Variants in CIT observed in about 807,000 individuals in gnomAD.
CIT encodes the protein citron Rho-interacting kinase.
CIT carries 79 observed loss-of-function variants against 272.7 expected under a neutral mutation model. That is an observed-to-expected ratio of 0.29 (90% confidence interval 0.24 to 0.35). CIT has a LOEUF of 0.35. Among genes scored for constraint, CIT ranks in the 10% least tolerant of loss-of-function variants. The probability of loss-of-function intolerance (pLI) is 1.00; values close to 1 mark genes in which losing one functional copy is unlikely to be tolerated. For missense variants in CIT, 1,909 were observed against 2,618.3 expected (o/e 0.73, Z 5.91); for synonymous variants, 948 against 995.6 (o/e 0.95, Z 0.90).
chr12:119,830,242 G>A (rs754915495), intron 7 of CIT, among the ~76,000 whole-genome samples: 28 of 151,576 alleles, frequency 1.8e-4, no homozygotes, highest in South Asian at 4.2e-4. Flanking sequence ...ATTCTCAAGT[G>A]TGTGGTATAG....
At chr12:119,738,364 A>G (rs1286567670) in intron 24 of CIT, among the ~76,000 whole-genome samples, 2 of 152,192 alleles carry the variant, frequency 1.3e-5, no homozygotes, top group Admixed American at 1.3e-4. Context: ...GGTCCTGGGT[A>G]TATTCTCTAC....
At chr12:119,790,429 A>T (rs556221883) in intron 10 of CIT, among the ~76,000 whole-genome samples, 43 of 152,292 alleles carry the variant, frequency 2.8e-4, no homozygotes, top group African/African-American at 9.6e-4. Flanking sequence ...CAGTAAACAA[A>T]CTATCTAATT....
intron 32 of CIT, among the ~76,000 whole-genome samples, chr12:119,717,417 TTC>T (rs1482462918): frequency 3.3e-4 from 17 of 51,764 alleles, no homozygotes; most frequent in African/African-American, 7.6e-4. Context: ...TTCTTTTCTT[TTC>T]TTTTTTTTTT....
At chr12:119,829,559 G>A (rs1022623818) in intron 7 of CIT, among the ~76,000 whole-genome samples, 1 of 152,142 alleles carries the variant, frequency 6.6e-6, no homozygotes, top group Non-Finnish European at 1.5e-5. Context: ...TCTAAAAAGG[G>A]CTATCTCTTG....
chr12:119,796,767 G>T (rs1388178176), intron 10 of CIT, among the ~76,000 whole-genome samples: 1 of 152,218 alleles, frequency 6.6e-6, no homozygotes, highest in Non-Finnish European at 1.5e-5. Context: ...TACGTACATT[G>T]CAAGAGCCTG....
intron 47 of CIT, among the ~76,000 whole-genome samples, chr12:119,689,190 A>AAAACAAAC (rs72404312): frequency 6.7e-6 from 1 of 149,810 alleles, no homozygotes; most frequent in Non-Finnish European, 1.5e-5. Flanking sequence ...AAAACAAAAC[A>AAAACAAAC]AAACAAACAA....
At chr12:119,776,992 C>T (rs556122527) in intron 13 of CIT, 150 bp from the exon 14 acceptor site, 47 of 817,948 alleles carry the variant, frequency 5.7e-5, no homozygotes, top group Admixed American at 1.6e-4. Context: ...CAGTGGCTCA[C>T]GCCTGTAATC....
chr12:119,700,653 T>C, intron 44 of CIT, 92 bp downstream of exon 44: 1 of 1,054,766 alleles, frequency 9.5e-7, no homozygotes, highest in Non-Finnish European at 1.5e-6. Flanking sequence ...AGTGTTGGGA[T>C]TACAGGCGTG....
Position 119,713,317 on chromosome 12 carries a change from G to A in CIT, c.4488-23C>T, listed in dbSNP as rs989645337. 2.2e-5 allele frequency: 35 copies of A among 1,609,618 alleles called. No individual in the cohort carries two copies. The highest frequency in any genetic ancestry group is 2.9e-5 in the Non-Finnish European group (34 of 1,176,604). On this transcript the variant is annotated intron_variant, in intron 34 of 47. Coordinates refer to ENST00000392521, the MANE Select transcript of CIT (RefSeq NM_001206999.2). This position sits in a 1 kb window ranked among gnomAD's most constrained non-coding sequence, Gnocchi z 5.2. Reference sequence around the variant, plus strand: ...TTCCTGGGGAAAGAAAGATGGAAAAGAAAAATGTCTGAACTCAGAAGAAAC... The same window carrying A: ...TTCCTGGGGAAAGAAAGATGGAAAAAAAAAATGTCTGAACTCAGAAGAAAC...
intron 1 of CIT, among the ~76,000 whole-genome samples, chr12:119,876,514 A>G (rs996571709): frequency 9.2e-5 from 14 of 152,246 alleles, no homozygotes; most frequent in Non-Finnish European, 1.6e-4. Context: ...TAGTTATTAA[A>G]TGAATGACTG....
rs747895220 is a variant in CIT at position 119,803,242 on chromosome 12, G to A, written c.1259C>T (p.Ser420Leu). ...AAGAATCCCCAGTGCCTTGCTGTAC[G>A]AAAACCCCACAAACGGCAGTTCTTC... is the stretch of plus-strand genomic sequence containing the variant. Reference protein sequence around the residue: ...SGEELPFVGFSYSKALGILGR... With the variant: ...SGEELPFVGFLYSKALGILGR... Residue 420 changes from serine to leucine, a missense_variant, in exon 10 of 48, where the codon TCG (serine) becomes TTG (leucine). Ser to Leu is a moderately radical substitution (Grantham distance 145). This residue lies in a region of CIT where 529 missense variants were observed against 549.6 expected (regional missense o/e 0.96). Coordinates refer to ENST00000392521, the MANE Select transcript of CIT (RefSeq NM_001206999.2). 6.3e-7 allele frequency: 1 copy of A among 1,597,294 alleles called. No homozygotes were observed. The highest frequency in any genetic ancestry group is 8.5e-7 in the Non-Finnish European group (1 of 1,173,836).
At chr12:119,752,903 T>C (rs1158124355) in intron 22 of CIT, among the ~76,000 whole-genome samples, 1 of 152,090 alleles carries the variant, frequency 6.6e-6, no homozygotes, top group Non-Finnish European at 1.5e-5. Context: ...ACCATGACCA[T>C]ATATCATGGT....
intron 9 of CIT, among the ~76,000 whole-genome samples, chr12:119,811,966 G>A (rs1966851833): frequency 7.9e-6 from 1 of 126,350 alleles, no homozygotes; most frequent in Admixed American, 8.8e-5. Flanking sequence ...TTTTTTTTGA[G>A]ACTCAGTCTT....
chr12:119,712,520 C>T lies in CIT; in HGVS notation c.4684+71G>A. 1 of 1,459,828 alleles carries T rather than the reference C, an allele frequency of 6.9e-7. No homozygotes were observed. The highest frequency in any genetic ancestry group is 9.6e-7 in the Non-Finnish European group (1 of 1,043,608). The allele number at this position is 1,459,828 out of a possible 1,614,324, so 90.4% of individuals were successfully genotyped here. A position where few individuals can be genotyped will look rare whatever the true frequency, so the allele number is the denominator to read the frequency against. On this transcript the variant is annotated intron_variant, in intron 36 of 47. Transcript: ENST00000392521. The surrounding 1 kb of genome is among the most constrained non-coding windows in gnomAD (Gnocchi z 5.2). ...TGCAGAGCCAATCTTCCCTGTACCA[C>T]CCCTTCTGTCCCTGCTGATTGGCCA...
At chr12:119,818,920 C>A (rs1967444383) in intron 9 of CIT, among the ~76,000 whole-genome samples, 1 of 152,094 alleles carries the variant, frequency 6.6e-6, no homozygotes, top group African/African-American at 2.4e-5. Context: ...TACCAGACAG[C>A]AAAACTTTCC....
Position 119,690,379 on chromosome 12 carries a change from G to A in CIT, c.5958C>T (p.Pro1986=), listed in dbSNP as rs1245287791. 2.5e-6 allele frequency: 4 copies of A among 1,596,682 alleles called. No individual in the cohort carries two copies. Among genetic ancestry groups the A allele is most frequent in the Admixed American group, 3.4e-5 (2 of 59,000 alleles). The change falls in exon 47 of 48, where the codon CCC becomes CCT. Residue 1986 remains proline, a synonymous_variant. Coordinates refer to ENST00000392521, the MANE Select transcript of CIT (RefSeq NM_001206999.2). This position sits in a 1 kb window ranked among gnomAD's most constrained non-coding sequence, Gnocchi z 6.0. ...TKRVASSPAP[P]EGPSHPREPS... ...GCTCTCGCGGGTGGCTGGGGCCTTC[G>A]GGCGGCGCTGGGCTGGAGGCCACGC...
chr12:119,751,964 G>C, intron 23 of CIT, 86 bp downstream of exon 23: 1 of 1,201,132 alleles, frequency 8.3e-7, no homozygotes, highest in Non-Finnish European at 1.2e-6. Flanking sequence ...GAATTTCTAA[G>C]GGTGAGCCAG....
chr12:119,818,520 C>T (rs73418543), intron 9 of CIT, among the ~76,000 whole-genome samples: 3,634 of 152,218 alleles, frequency 0.024, 137 homozygotes, highest in African/African-American at 0.084. Context: ...ACAATCAAAA[C>T]GATACCTATT....
chr12:119,689,933 C>T (rs1480719865), intron 47 of CIT, among the ~76,000 whole-genome samples: 2 of 152,194 alleles, frequency 1.3e-5, no homozygotes, highest in African/African-American at 2.4e-5. Context: ...CCCGCCTCGG[C>T]CTCCCAAAGT....
Sources: allele counts gnomAD v4.1 joint callset (sites outside exome capture counted in the v4.1 genomes callset), GRCh38; gene constraint gnomAD v4.1.1; regional missense constraint gnomAD v4.1.1; non-coding constraint Gnocchi (gnomAD v3.1); transcripts MANE v1.5; gene names NCBI Gene and HGNC (gene_info 2026-07-23, HGNC 2026-07-21).